Variants in IQCJ observed in about 807,000 individuals in gnomAD.
IQCJ encodes IQ motif containing J.
A neutral mutation model predicts 11.0 loss-of-function variants in IQCJ; 9 were observed. That is an observed-to-expected ratio of 0.82 (90% confidence interval 0.49 to 1.43). The LOEUF (loss-of-function observed/expected upper bound fraction) is 1.43, where lower values mean the gene tolerates loss of function less well. IQCJ is among the 40% of genes most tolerant of loss of function. IQCJ has a pLI of 0.00. For missense variants in IQCJ, 146 were observed against 133.2 expected, an observed-to-expected ratio of 1.10 and a Z score of -0.47; for synonymous variants, 55 against 51.3, an observed-to-expected ratio of 1.07 and a Z score of -0.31.
At chr3:159,261,270 A>G (rs1728187266) in intron 3 of IQCJ, among the ~76,000 whole-genome samples, 1 of 152,216 alleles carries the variant, frequency 6.6e-6, no homozygotes, top group Admixed American at 6.5e-5. Flanking sequence ...ACTATTTTAA[A>G]AGGCTGAATC....
chr3:159,085,998 A>G (rs1221201271), intron 1 of IQCJ, among the ~76,000 whole-genome samples: 3 of 152,132 alleles, frequency 2.0e-5, no homozygotes, highest in Non-Finnish European at 4.4e-5. Flanking sequence ...GCCCATGCCT[A>G]TGTCCTGAAT....
intron 1 of IQCJ, among the ~76,000 whole-genome samples, chr3:159,160,787 G>A (rs1048717160): frequency 5.4e-5 from 8 of 149,028 alleles, no homozygotes; most frequent in African/African-American, 2.0e-4. Context: ...GCGGTGTTTG[G>A]TTTTTTGTTC....
chr3:159,171,138 T>C (rs1722462944), intron 1 of IQCJ, among the ~76,000 whole-genome samples: 1 of 151,678 alleles, frequency 6.6e-6, no homozygotes, highest in African/African-American at 2.4e-5. Flanking sequence ...TTAGTTGCAC[T>C]AGTTATTAAA....
At chr3:159,231,465 T>C (rs1159240808) in intron 1 of IQCJ, among the ~76,000 whole-genome samples, 1 of 152,230 alleles carries the variant, frequency 6.6e-6, no homozygotes, top group Non-Finnish European at 1.5e-5. Flanking sequence ...TCCTGCAAGC[T>C]AGGAAATAAT....
At chr3:159,194,855 G>A (rs1167916795) in intron 1 of IQCJ, among the ~76,000 whole-genome samples, 1 of 152,176 alleles carries the variant, frequency 6.6e-6, no homozygotes, top group African/African-American at 2.4e-5. Context: ...GCTCACGCCT[G>A]TAATCCCAGC....
intron 1 of IQCJ, among the ~76,000 whole-genome samples, chr3:159,136,760 T>C (rs1720313474): frequency 6.6e-6 from 1 of 152,150 alleles, no homozygotes; most frequent in African/African-American, 2.4e-5. Context: ...CACCTCCTAA[T>C]ACCATCACCC....
rs199786801 is a variant in IQCJ at position 159,079,526 on chromosome 3, GA to G, written c.9+10092del. Among the ~76,000 whole-genome samples, 4 of 151,726 alleles carry G rather than the reference GA, an allele frequency of 2.6e-5. No individual in the cohort carries two copies. In the East Asian group the frequency reaches 7.7e-4, roughly 29 times the overall value. On this transcript the variant is annotated intron_variant, in intron 1 of 3. Coordinates refer to ENST00000397832, the MANE Select transcript of IQCJ (RefSeq NM_001042706.3). ...CTTTATTACACAGTTTATACTTACT[GA>G]AAAAAATATACAGAATCAAGATGAA... is the stretch of plus-strand genomic sequence containing the variant.
intron 1 of IQCJ, among the ~76,000 whole-genome samples, chr3:159,200,646 C>T (rs1321048411): frequency 1.3e-5 from 2 of 152,160 alleles, no homozygotes; most frequent in Non-Finnish European, 2.9e-5. Flanking sequence ...GTCCTTGTGT[C>T]GCCCAGCTCA....
At chr3:159,202,119 A>T (rs1418358425) in intron 1 of IQCJ, among the ~76,000 whole-genome samples, 1 of 152,128 alleles carries the variant, frequency 6.6e-6, no homozygotes, top group Non-Finnish European at 1.5e-5. Flanking sequence ...TCATGTGTAC[A>T]TGTATGTATA....
chr3:159,164,815 A>G (rs1452867487), intron 1 of IQCJ, among the ~76,000 whole-genome samples: 1 of 152,146 alleles, frequency 6.6e-6, no homozygotes, highest in Non-Finnish European at 1.5e-5. Flanking sequence ...AAAGCCCAAA[A>G]TAACAGTGCA....
chr3:159,090,337 G>T (rs1204926081), intron 1 of IQCJ, among the ~76,000 whole-genome samples: 4 of 151,826 alleles, frequency 2.6e-5, no homozygotes, highest in African/African-American at 9.7e-5. Context: ...TCAAAGCTCA[G>T]ATGGAAATGC....
In IQCJ at chr3:159,113,282, G is replaced by A. The variant is rs561579111; in HGVS notation, c.9+43841G>A. Among the ~76,000 whole-genome samples, 7 of 152,312 alleles carry A rather than the reference G, an allele frequency of 4.6e-5. No homozygotes were observed. In the East Asian group the frequency reaches 1.2e-3, roughly 25 times the overall value. On this transcript the variant is annotated intron_variant, in intron 1 of 3. Coordinates refer to ENST00000397832, the MANE Select transcript of IQCJ (RefSeq NM_001042706.3). The stretch of plus-strand genomic sequence containing the variant: ...GTTTATGATTTGAAGTCAAGTTTCT[G>A]ACTTAAGTGAGATAATTAAAAGAAA...
At chr3:159,265,491 C>A (rs1305856335), downstream of IQCJ, 6 of 1,025,770 alleles carry the variant, frequency 5.8e-6, no homozygotes, top group African/African-American at 6.4e-5. Context: ...CCTCTAACAA[C>A]CATGAGTCCA....
At chr3:159,166,913 G>A (rs1194618631) in intron 1 of IQCJ, among the ~76,000 whole-genome samples, 2 of 152,152 alleles carry the variant, frequency 1.3e-5, no homozygotes, top group East Asian at 1.9e-4. Flanking sequence ...ACTGTTATGG[G>A]GCATGTGTCT....
At chr3:159,080,789 C>CT (rs1460989236) in intron 1 of IQCJ, among the ~76,000 whole-genome samples, 1 of 152,078 alleles carries the variant, frequency 6.6e-6, no homozygotes, top group Admixed American at 6.6e-5. Context: ...AGATTTGAAC[C>CT]TGGGCTCCCT....
At chr3:159,137,638 C>T (rs1434817330) in intron 1 of IQCJ, among the ~76,000 whole-genome samples, 1 of 152,172 alleles carries the variant, frequency 6.6e-6, no homozygotes, top group Non-Finnish European at 1.5e-5. Context: ...GATCTATTGA[C>T]TTTCTTATTT....
intron 1 of IQCJ, among the ~76,000 whole-genome samples, chr3:159,124,458 G>A (rs1719557124): frequency 6.6e-6 from 1 of 152,048 alleles, no homozygotes; most frequent in African/African-American, 2.4e-5. Flanking sequence ...CCTCCTCATG[G>A]TTGTTTCCTT....
intron 1 of IQCJ, among the ~76,000 whole-genome samples, chr3:159,133,182 A>T (rs538489062): frequency 2.0e-5 from 3 of 152,230 alleles, no homozygotes. Context: ...CCCAGGACAC[A>T]TGTGGTTCTC....
chr3:159,174,703 A>G (rs1294123826), intron 1 of IQCJ, among the ~76,000 whole-genome samples: 2 of 152,162 alleles, frequency 1.3e-5, no homozygotes, highest in South Asian at 2.1e-4. Context: ...ACATTTATCC[A>G]TATTTGTACA....
Sources: allele counts gnomAD v4.1 joint callset (sites outside exome capture counted in the v4.1 genomes callset), GRCh38; gene constraint gnomAD v4.1.1; transcripts MANE v1.5; gene names NCBI Gene and HGNC (gene_info 2026-07-23, HGNC 2026-07-21).